Variants in ZKSCAN4 observed in about 807,000 individuals in gnomAD.
The protein encoded by ZKSCAN4 is zinc finger protein with KRAB and SCAN domains 4.
A neutral mutation model predicts 30.8 loss-of-function variants in ZKSCAN4; 23 were observed. That is an observed-to-expected ratio of 0.75 (90% CI 0.54 to 1.06). ZKSCAN4 has a LOEUF of 1.06. ZKSCAN4 is among the 50% of genes least tolerant of loss of function. ZKSCAN4 has a pLI of 0.00. For missense variants in ZKSCAN4, 556 were observed against 665.4 expected, an observed-to-expected ratio of 0.84 and a Z score of 1.81; for synonymous variants, 208 against 252.5, an observed-to-expected ratio of 0.82 and a Z score of 1.67.
rs1220108355 is a variant in ZKSCAN4, at chr6:28,252,137, ATC to A, written c.-159_-158del. The A allele has an allele frequency of 5.7e-5, 39 of 687,822 alleles. No homozygotes were observed. The highest frequency in any genetic ancestry group is 1.6e-4 in the Admixed American group (5 of 30,664). 42.6% of individuals were successfully genotyped at this position (687,822 alleles called of 1,614,324 possible). ...CACCCCCTGAGGCGCAGCTGCACAGATCTCTCTTATAGTCCGTGCCTTTGCAG... is the reference window on the plus strand; with the variant it reads ...CACCCCCTGAGGCGCAGCTGCACAGATCTCTTATAGTCCGTGCCTTTGCAG... On this transcript the variant is annotated 5_prime_UTR_variant, in exon 1 of 5. Transcript: ENST00000377294.
Position 28,248,138 on chromosome 6 carries a change from G to A in ZKSCAN4, c.583C>T (p.Pro195Ser), listed in dbSNP as rs752839381. ...QPLHDRVLQVPGLAQGGCCRE... is the reference protein window; with the variant it reads ...QPLHDRVLQVSGLAQGGCCRE... Reference sequence around the variant, plus strand: ...CAGCACCCTCCCTGGGCAAGCCCAGGAACCTGGAGAACTAAGAAAGAAAGA... The same window carrying A: ...CAGCACCCTCCCTGGGCAAGCCCAGAAACCTGGAGAACTAAGAAAGAAAGA... Residue 195 changes from proline to serine, a missense_variant, in exon 3 of 5, where the codon CCT becomes TCT. This residue lies in a region of ZKSCAN4 where 433 missense variants were observed against 511.5 expected (regional missense o/e 0.85). Transcript: ENST00000377294. 1.2e-6 allele frequency: 2 copies of A among 1,613,050 alleles called. No homozygotes were observed. Among genetic ancestry groups the A allele is most frequent in the Non-Finnish European group, 1.7e-6 (2 of 1,179,490 alleles).
Position 28,245,880 on chromosome 6 carries a change from C to A in ZKSCAN4, c.874G>T (p.Ala292Ser), listed in dbSNP as rs1760705087. The part of the protein sequence containing the change: ...GKICHLREDI[A>S]QIPTHAEAGE... ...GCTTCTGCATGTGTAGGAATCTGGG[C>A]AATGTCTTCCCTCAGGTGGCATATC... Residue 292 changes from alanine to serine, a missense_variant, in exon 5 of 5, where the codon GCC becomes TCC. Physicochemically the swap from Ala to Ser is moderately conservative, Grantham distance 99. Transcript: ENST00000377294. 2 of 1,614,096 alleles carry A rather than the reference C, an allele frequency of 1.2e-6. No individual in the cohort carries two copies. The highest frequency in any genetic ancestry group is 2.7e-5 in the African/African-American group (2 of 74,926).
Position 28,245,131 on chromosome 6 carries a change from T to A in ZKSCAN4, c.1623A>T (p.Lys541Asn). The A allele has an allele frequency of 1.9e-6, 3 of 1,613,874 alleles. No homozygotes were observed. The highest frequency in any genetic ancestry group is 2.5e-6 in the Non-Finnish European group (3 of 1,179,926). Residue 541 changes from lysine (K) to asparagine (N), a missense_variant, in exon 5 of 5, where the codon AAA becomes AAT. Coordinates refer to ENST00000377294, the MANE Select transcript of ZKSCAN4 (RefSeq NM_019110.5). ...VQHQRSHVGK[K>N]TLSQ ...ATACCATGGGTCACTGTGAAAGAGT[T>A]TTTTTCCCTACATGGCTTCTCTGAT...
the ZKSCAN4 span, among the ~76,000 whole-genome samples, chr6:28,257,531 A>G: frequency 6.6e-6 from 1 of 152,228 alleles, no homozygotes; most frequent in Non-Finnish European, 1.5e-5. Flanking sequence ...CTACACATGT[A>G]TCCCAGAACT....
At chr6:28,255,610 G>C (rs1761153536), upstream of ZKSCAN4, among the ~76,000 whole-genome samples, 1 of 152,066 alleles carries the variant, frequency 6.6e-6, no homozygotes, top group Non-Finnish European at 1.5e-5. Flanking sequence ...AAATGTATAA[G>C]CCTTTTTTTT....
In ZKSCAN4 at chr6:28,242,288, A is replaced by T. The variant is rs755789705; in HGVS notation, c.*2828T>A. ...TTTGGCCATCCTTTCAATAGGCTAC[A>T]GATAAACTCATTTTATAATTCAGCT... On this transcript the variant is annotated 3_prime_UTR_variant, in exon 5 of 5. Transcript: ENST00000377294. Among the ~76,000 whole-genome samples, 1 of 152,230 alleles carries T rather than the reference A, an allele frequency of 6.6e-6. No homozygotes were observed. Among genetic ancestry groups the T allele is most frequent in the Non-Finnish European group, 1.5e-5 (1 of 68,032 alleles).
the ZKSCAN4 span, among the ~76,000 whole-genome samples, chr6:28,257,787 C>A: frequency 2.0e-5 from 3 of 152,174 alleles, no homozygotes; most frequent in Admixed American, 2.0e-4. Context: ...TTCTAAATTT[C>A]ATTTTCCTGT....
rs78655767 is a variant in ZKSCAN4, at chr6:28,249,068, A to T, written c.571+619T>A. On this transcript the variant is annotated intron_variant, in intron 2 of 4. Transcript: ENST00000377294. This position sits in a 1 kb window ranked among gnomAD's most constrained non-coding sequence, Gnocchi z 4.1. ...GATTGCATGTTGGATGGCATGTCCA[A>T]GTGTTGTATGTCTTAGGAATCGGCC... Among the ~76,000 whole-genome samples, 830 of 152,262 alleles carry T rather than the reference A, an allele frequency of 5.5e-3. 1 individual carries two copies. Among genetic ancestry groups the T allele is most frequent in the Non-Finnish European group, 8.4e-3 (570 of 68,022 alleles).
In ZKSCAN4 at chr6:28,252,049, G is replaced by A; in HGVS notation, c.-69C>T. On this transcript the variant is annotated 5_prime_UTR_variant, in exon 1 of 5. Transcript: ENST00000377294. ...GTATATCTTCAGAGGATTCTGGAAG[G>A]GTGGTAAATTTTCCAGTAGAACTGC... 1 of 1,478,438 alleles carries A rather than the reference G, an allele frequency of 6.8e-7. No homozygotes were observed. 91.6% of individuals were successfully genotyped at this position (1,478,438 alleles called of 1,614,324 possible).
At position 28,245,104 on chromosome 6, in the gene ZKSCAN4, G is replaced by A; in HGVS notation, c.*12C>T. 6.2e-7 allele frequency: 1 copy of A among 1,614,084 alleles called. No individual in the cohort carries two copies. The highest frequency in any genetic ancestry group is 8.5e-7 in the Non-Finnish European group (1 of 1,179,998). On this transcript the variant is annotated 3_prime_UTR_variant, in exon 5 of 5. Transcript: ENST00000377294. ...GACAAATGAGCACCAATGTTGGCAT[G>A]AATACCATGGGTCACTGTGAAAGAG...
upstream of ZKSCAN4, among the ~76,000 whole-genome samples, chr6:28,254,433 C>A (rs904002594): frequency 2.0e-5 from 3 of 152,234 alleles, no homozygotes; most frequent in African/African-American, 7.2e-5. Flanking sequence ...ACTGACATTG[C>A]ACACTGGTGG....
rs1239881578 is a variant in ZKSCAN4, at chr6:28,243,238, A to G, written c.*1878T>C. Among the ~76,000 whole-genome samples the G allele has an allele frequency of 6.6e-6, 1 of 152,250 alleles. No homozygotes were observed. Among genetic ancestry groups the G allele is most frequent in the African/African-American group, 2.4e-5 (1 of 41,456 alleles). ...TTTTAAATTAGACTGAAAAGGAGAT[A>G]ATGAAGGCAATAAAAGATTGTAGGG... is the stretch of plus-strand genomic sequence containing the variant. On this transcript the variant is annotated 3_prime_UTR_variant, in exon 5 of 5. Transcript: ENST00000377294.
the ZKSCAN4 span, chr6:28,259,196 C>G: frequency 3.5e-6 from 2 of 563,492 alleles, no homozygotes; most frequent in South Asian, 5.5e-5. Flanking sequence ...CCACAAGAAG[C>G]CTTCACGCAG....
At position 28,249,267 on chromosome 6, in the gene ZKSCAN4, C is replaced by T. The variant is rs1478208275; in HGVS notation, c.571+420G>A. On this transcript the variant is annotated intron_variant, in intron 2 of 4. Transcript: ENST00000377294. This position sits in a 1 kb window ranked among gnomAD's most constrained non-coding sequence, Gnocchi z 4.1. Reference sequence around the variant, plus strand: ...GGCTTTACAAATTCTGCCTTATTTTCTTCATAGCACTTAACAATATCTAAA... The same window carrying T: ...GGCTTTACAAATTCTGCCTTATTTTTTTCATAGCACTTAACAATATCTAAA... Among the ~76,000 whole-genome samples, 3 of 152,154 alleles carry T rather than the reference C, an allele frequency of 2.0e-5. No individual in the cohort carries two copies. Among genetic ancestry groups the T allele is most frequent in the Non-Finnish European group, 4.4e-5 (3 of 68,028 alleles).
In ZKSCAN4 at chr6:28,249,943, A is replaced by ATTGTG; in HGVS notation, c.424-110_424-109insCACAA. On this transcript the variant is annotated intron_variant, in intron 1 of 4. Transcript: ENST00000377294. The surrounding 1 kb of genome is among the most constrained non-coding windows in gnomAD (Gnocchi z 4.1). Reference sequence around the variant, plus strand: ...CTACAAGCCTTATGATATTAACACAATTAATATAGATAACAACCCTGTGAG... The same window carrying ATTGTG: ...CTACAAGCCTTATGATATTAACACAATTGTGTTAATATAGATAACAACCCTGTGAG... 3.3e-6 allele frequency: 4 copies of ATTGTG among 1,199,906 alleles called. No homozygotes were observed. Among genetic ancestry groups the ATTGTG allele is most frequent in the East Asian group, 2.4e-5 (1 of 41,678 alleles). The allele number at this position is 1,199,906 out of a possible 1,614,324, so 74.3% of individuals were successfully genotyped here. A position where few individuals can be genotyped will look rare whatever the true frequency, so the allele number is the denominator to read the frequency against.
At chr6:28,247,552 G>A (rs1224992329) in intron 3 of ZKSCAN4, among the ~76,000 whole-genome samples, 1 of 152,214 alleles carries the variant, frequency 6.6e-6, no homozygotes, top group Non-Finnish European at 1.5e-5. Context: ...AGGAAAGGCT[G>A]AGTAGTAAAT....
At position 28,243,172 on chromosome 6, in the gene ZKSCAN4, T is replaced by A. The variant is rs1402346738; in HGVS notation, c.*1944A>T. ...GAAATTTGAAAAGGCTAGAAAAGAT[T>A]GAGCAGAGAAAGTCTACAGAACTTT... On this transcript the variant is annotated 3_prime_UTR_variant, in exon 5 of 5. Coordinates refer to ENST00000377294, the MANE Select transcript of ZKSCAN4 (RefSeq NM_019110.5). Among the ~76,000 whole-genome samples, 1 of 152,286 alleles carries A rather than the reference T, an allele frequency of 6.6e-6. No homozygotes were observed. The highest frequency in any genetic ancestry group is 3.4e-3 in the Middle Eastern group (1 of 294).
At chr6:28,257,462 T>G in the ZKSCAN4 span, among the ~76,000 whole-genome samples, 1 of 152,220 alleles carries the variant, frequency 6.6e-6, no homozygotes, top group Non-Finnish European at 1.5e-5. Flanking sequence ...AGATGATGGG[T>G]TGATAGGTGC....
At chr6:28,255,621 T>C (rs879132676), upstream of ZKSCAN4, among the ~76,000 whole-genome samples, 1 of 152,188 alleles carries the variant, frequency 6.6e-6, no homozygotes, top group Non-Finnish European at 1.5e-5. Flanking sequence ...CCTTTTTTTT[T>C]GATTCTCTGA....
Sources: allele counts gnomAD v4.1 joint callset (sites outside exome capture counted in the v4.1 genomes callset), GRCh38; gene constraint gnomAD v4.1.1; regional missense constraint gnomAD v4.1.1; non-coding constraint Gnocchi (gnomAD v3.1); transcripts MANE v1.5; gene names NCBI Gene and HGNC (gene_info 2026-07-23, HGNC 2026-07-21).